Variants in PAQR3 observed in about 807,000 individuals in gnomAD.
PAQR3 encodes Raf kinase trapping to Golgi.
PAQR3 carries 39 observed loss-of-function variants against 41.7 expected under a neutral mutation model. That is an observed-to-expected ratio of 0.93 (90% CI 0.72 to 1.22). PAQR3 has a LOEUF of 1.22. Among genes scored for constraint, PAQR3 ranks in the 50% most tolerant of loss-of-function variants. The pLI, the probability that PAQR3 is intolerant of heterozygous loss-of-function variation, is 0.00. For synonymous variants in PAQR3, 140 were observed against 140.6 expected (o/e 1.00, Z 0.03); for missense variants, 366 against 385.6 (o/e 0.95, Z 0.42).
At chr4:78,887,153 C>A in exon 13 of PAQR3, 1 of 1,414,016 alleles carries the variant, frequency 7.1e-7, no homozygotes, top group Non-Finnish European at 9.8e-7. Context: ...TTTTTTATTT[C>A]GTTTCATCTT....
chr4:78,936,111 T>A (rs188920785), intron 1 of PAQR3, among the ~76,000 whole-genome samples: 1 of 152,316 alleles, frequency 6.6e-6, no homozygotes, highest in African/African-American at 2.4e-5. Flanking sequence ...CTTCAGTTTC[T>A]TCATCTATAC....
At chr4:78,938,719 G>C (rs1473043672) in intron 1 of PAQR3, among the ~76,000 whole-genome samples, 1 of 151,948 alleles carries the variant, frequency 6.6e-6, no homozygotes, top group African/African-American at 2.4e-5. Context: ...GGGCAAATAT[G>C]GCTCAGCCCC....
intron 11 of PAQR3, among the ~76,000 whole-genome samples, chr4:78,899,569 GA>G (rs1733889726): frequency 6.6e-6 from 1 of 152,036 alleles, no homozygotes; most frequent in Non-Finnish European, 1.5e-5. Context: ...TTCTAACAGT[GA>G]AGAGGCAAGA....
At chr4:78,890,227 A>G (rs1733356807) in intron 11 of PAQR3, among the ~76,000 whole-genome samples, 1 of 152,056 alleles carries the variant, frequency 6.6e-6, no homozygotes. Flanking sequence ...TTTCCTACTT[A>G]AACTCCTTAG....
intron 2 of PAQR3, among the ~76,000 whole-genome samples, chr4:78,934,309 C>T (rs1014843601): frequency 1.3e-5 from 2 of 152,206 alleles, no homozygotes; most frequent in African/African-American, 4.8e-5. Flanking sequence ...ATGATGAAAG[C>T]GACATTTGTG....
At chr4:78,911,708 A>C (rs760940313), downstream of PAQR3, 10 of 1,613,884 alleles carry the variant, frequency 6.2e-6, no homozygotes, top group Middle Eastern at 4.9e-4. Context: ...GATGGGAAAG[A>C]TAGGGGGAAT....
downstream of PAQR3, chr4:78,911,327 A>G (rs757058341): frequency 1.1e-5 from 17 of 1,613,930 alleles, no homozygotes; most frequent in Non-Finnish European, 1.4e-5. Context: ...GGTTATCCCA[A>G]AAGTGTAGAT....
chr4:78,918,679 A>ATACT lies in PAQR3; in HGVS notation c.*1859_*1860insAGTA. 9 of 959,798 alleles carry ATACT rather than the reference A, an allele frequency of 9.4e-6. No homozygotes were observed. Among genetic ancestry groups the ATACT allele is most frequent in the Non-Finnish European group, 1.1e-5 (9 of 806,616 alleles). 59.5% of individuals were successfully genotyped at this position (959,798 alleles called of 1,614,324 possible). On this transcript the variant is annotated 3_prime_UTR_variant, in exon 6 of 6. Transcript: ENST00000512733. The stretch of plus-strand genomic sequence containing the variant: ...ATTCATATACTAATACAGGGACTGC[A>ATACT]AAAATTGAAATGATTCAATGTTTTT...
intron 5 of PAQR3, chr4:78,922,846 A>C: frequency 2.2e-6 from 1 of 447,994 alleles, no homozygotes; most frequent in Non-Finnish European, 4.5e-6. Context: ...ACGTAACTAG[A>C]AAGTGGTTGA....
At chr4:78,920,918 T>A (rs905063525) in intron 5 of PAQR3, among the ~76,000 whole-genome samples, 4 of 151,886 alleles carry the variant, frequency 2.6e-5, no homozygotes, top group Non-Finnish European at 5.9e-5. Flanking sequence ...CAAGTGTGTT[T>A]TCAAAATCTA....
downstream of PAQR3, chr4:78,910,774 G>T (rs746161635): frequency 4.0e-5 from 64 of 1,613,858 alleles, no homozygotes; most frequent in Non-Finnish European, 5.3e-5. Flanking sequence ...ATCTGAAAGT[G>T]ATTTTGAATC....
intron 11 of PAQR3, among the ~76,000 whole-genome samples, chr4:78,902,054 G>A (rs1734035309): frequency 6.6e-6 from 1 of 152,136 alleles, no homozygotes; most frequent in South Asian, 2.1e-4. Flanking sequence ...CATTTTATAA[G>A]CTACAATGAG....
At chr4:78,923,204 T>C (rs1188980820) in intron 5 of PAQR3, among the ~76,000 whole-genome samples, 1 of 152,002 alleles carries the variant, frequency 6.6e-6, no homozygotes, top group African/African-American at 2.4e-5. Flanking sequence ...CTCTTAACTT[T>C]CACTATTTTC....
chr4:78,911,454 A>G, downstream of PAQR3: 4 of 1,614,044 alleles, frequency 2.5e-6, no homozygotes, highest in Non-Finnish European at 3.4e-6. Context: ...AGCAGCAAAA[A>G]GTCAAACAGC....
At chr4:78,895,824 T>C (rs905944535) in intron 11 of PAQR3, among the ~76,000 whole-genome samples, 4 of 152,118 alleles carry the variant, frequency 2.6e-5, no homozygotes, top group African/African-American at 9.7e-5. Flanking sequence ...TGCAGTGGCA[T>C]GATCACGGTT....
chr4:78,911,234 A>T, downstream of PAQR3: 14 of 1,613,980 alleles, frequency 8.7e-6, no homozygotes, highest in Non-Finnish European at 1.2e-5. Context: ...GAGGAATTTG[A>T]TGTATTCACA....
intron 2 of PAQR3, among the ~76,000 whole-genome samples, chr4:78,931,643 T>C (rs6534080): frequency 0.84 from 127,442 of 152,088 alleles, 53,454 homozygotes; most frequent in East Asian, 0.9. Flanking sequence ...TTGGAAAAGG[T>C]GGGAGGATAT....
At chr4:78,889,410 T>C (rs1212076887) in intron 11 of PAQR3, among the ~76,000 whole-genome samples, 1 of 152,084 alleles carries the variant, frequency 6.6e-6, no homozygotes, top group Non-Finnish European at 1.5e-5. Context: ...CACTGTGCAA[T>C]ATTAGCACTG....
At chr4:78,911,790 G>A, downstream of PAQR3, 1 of 1,613,982 alleles carries the variant, frequency 6.2e-7, no homozygotes, top group Non-Finnish European at 8.5e-7. Context: ...ACCTGTCATG[G>A]CACCCTCCAC....
Sources: allele counts gnomAD v4.1 joint callset (sites outside exome capture counted in the v4.1 genomes callset), GRCh38; gene constraint gnomAD v4.1.1; transcripts MANE v1.5; gene names NCBI Gene and HGNC (gene_info 2026-07-23, HGNC 2026-07-21).